Variants in CEP85L observed in about 807,000 individuals in gnomAD.
CEP85L encodes the protein centrosomal protein 85L, also known as centrosomal protein of 85 kDa-like.
CEP85L carries 60 observed loss-of-function variants against 100.3 expected under a neutral mutation model. The ratio of observed to expected loss-of-function variants is 0.60; its 90% CI spans 0.49 to 0.74. CEP85L has a LOEUF of 0.74. CEP85L is among the 30% of genes least tolerant of loss of function. CEP85L has a pLI of 0.00. For synonymous variants in CEP85L, 319 were observed against 322.7 expected (o/e 0.99, Z 0.12); for missense variants, 973 against 936.2 (o/e 1.04, Z -0.51).
At chr6:118,579,849 C>T (rs12209500) in intron 2 of CEP85L, among the ~76,000 whole-genome samples, 4,401 of 152,290 alleles carry the variant, frequency 0.029, 104 homozygotes, top group African/African-American at 0.056. Flanking sequence ...GGCCAGCAAG[C>T]TTTGATATGC....
chr6:118,481,924 G>C lies in CEP85L; in HGVS notation c.1600C>G (p.Leu534Val), dbSNP rs1340109090. 2.0e-6 allele frequency: 3 copies of C among 1,536,448 alleles called. No individual in the cohort carries two copies. Among genetic ancestry groups the C allele is most frequent in the African/African-American group, 2.8e-5 (2 of 70,238 alleles). Residue 534 changes from leucine (L) to valine (V), a missense_variant, in exon 8 of 13, where the codon CTG becomes GTG. By Grantham distance (32) the Leu-to-Val change is conservative. Around this residue, in one of 3 missense-constraint regions of CEP85L, gnomAD observed 890 missense variants for 844.5 expected, o/e 1.05. Coordinates refer to ENST00000368491, the MANE Select transcript of CEP85L (RefSeq NM_001042475.3). ...TGTAAATTCTTATTTTTTTCTTCCAGAATCTGCAGCTAAGGAGAAATGTTT... is the reference window on the plus strand; with the variant it reads ...TGTAAATTCTTATTTTTTTCTTCCACAATCTGCAGCTAAGGAGAAATGTTT... ...VQSQSLQLQI[L>V]EEKNKNLQEA...
chr6:118,651,450 G>T lies in CEP85L; in HGVS notation c.-181C>A. 1 of 1,321,134 alleles carries T rather than the reference G, an allele frequency of 7.6e-7. No homozygotes were observed. The highest frequency in any genetic ancestry group is 9.6e-7 in the Non-Finnish European group (1 of 1,038,836). The allele number at this position is 1,321,134 out of a possible 1,614,324, so 81.8% of individuals were successfully genotyped here. Reference sequence around the variant, plus strand: ...GGGGAGCGCAGGGGCCAGATTCGCCGCACTGCCGGCGCCTGCCATGGCCAA... The same window carrying T: ...GGGGAGCGCAGGGGCCAGATTCGCCTCACTGCCGGCGCCTGCCATGGCCAA... On this transcript the variant is annotated 5_prime_UTR_variant, in exon 1 of 13. Coordinates refer to ENST00000368491, the MANE Select transcript of CEP85L (RefSeq NM_001042475.3).
intron 1 of CEP85L, among the ~76,000 whole-genome samples, chr6:118,649,262 TC>T (rs1192602315): frequency 6.6e-6 from 1 of 152,236 alleles, no homozygotes; most frequent in African/African-American, 2.4e-5. Context: ...TCCTGACTTG[TC>T]AATAGTTTAT....
intron 1 of CEP85L, among the ~76,000 whole-genome samples, chr6:118,638,497 T>C (rs1383017288): frequency 2.0e-5 from 3 of 150,874 alleles, no homozygotes; most frequent in African/African-American, 7.3e-5. Flanking sequence ...ACCAGGTGAT[T>C]TAATAAGGAA....
Position 118,576,896 on chromosome 6 carries a change from G to A in CEP85L, c.233-10580C>T, listed in dbSNP as rs1002038608. 1.8e-4 allele frequency among the ~76,000 whole-genome samples: 27 copies of A among 152,114 alleles called. 1 individual carries two copies. The highest frequency in any genetic ancestry group is 1.7e-3 in the Admixed American group (26 of 15,268). ...AATAGATTAAATATTCCATCTGCAC[G>A]CTAAACAAAAGCGATTGTTACGCTT... is the stretch of plus-strand genomic sequence containing the variant. On this transcript the variant is annotated intron_variant, in intron 2 of 12. Coordinates refer to ENST00000368491, the MANE Select transcript of CEP85L (RefSeq NM_001042475.3).
intron 2 of CEP85L, among the ~76,000 whole-genome samples, chr6:118,567,231 GTGTGTGTGTGTGTGTGTGTATATATA>G (rs1175376997): frequency 1.6e-4 from 13 of 81,958 alleles, no homozygotes; most frequent in African/African-American, 3.3e-4. Context: ...GTGTGTGTGT[GTGTGTGTGTGTGTGTGTGTATATATA>G]TATATATATA....
At chr6:118,704,188 C>T (rs1360996563) in intron 1 of CEP85L, among the ~76,000 whole-genome samples, 3 of 152,190 alleles carry the variant, frequency 2.0e-5, no homozygotes, top group Admixed American at 2.0e-4. Flanking sequence ...TGACATTATA[C>T]CAAACTCTTT....
At chr6:118,537,643 A>G in intron 3 of CEP85L, 3 of 985,368 alleles carry the variant, frequency 3.0e-6, no homozygotes, top group Non-Finnish European at 3.6e-6. Flanking sequence ...TTGCCAAAAT[A>G]TGTCACTTAA....
chr6:118,645,630 C>T (rs1481765837), intron 1 of CEP85L, among the ~76,000 whole-genome samples: 1 of 152,206 alleles, frequency 6.6e-6, no homozygotes, highest in Non-Finnish European at 1.5e-5. Flanking sequence ...TATGATTGCA[C>T]AACCGCACTC....
At chr6:118,695,792 T>C (rs1313554481) in intron 1 of CEP85L, among the ~76,000 whole-genome samples, 1 of 152,162 alleles carries the variant, frequency 6.6e-6, no homozygotes, top group Non-Finnish European at 1.5e-5. Flanking sequence ...ACCATGATGG[T>C]ATGTAAGTAA....
intron 10 of CEP85L, among the ~76,000 whole-genome samples, chr6:118,471,986 G>A (rs1325342885): frequency 2.0e-5 from 3 of 151,424 alleles, no homozygotes; most frequent in Non-Finnish European, 3.0e-5. Flanking sequence ...GATTTGTGAC[G>A]GTTTATTAGA....
chr6:118,702,138 A>G (rs1192389902), intron 1 of CEP85L, among the ~76,000 whole-genome samples: 1 of 151,066 alleles, frequency 6.6e-6, no homozygotes. Context: ...TGGAAATTCT[A>G]TTCTTTTTTT....
intron 2 of CEP85L, among the ~76,000 whole-genome samples, chr6:118,613,577 CA>C (rs1044657661): frequency 5.9e-5 from 9 of 151,586 alleles, no homozygotes; most frequent in African/African-American, 2.2e-4. Flanking sequence ...GTCAACATGG[CA>C]AAATCCTCTC....
intron 2 of CEP85L, chr6:118,573,876 A>T (rs910722281): frequency 6.6e-6 from 1 of 152,244 alleles, no homozygotes; most frequent in Non-Finnish European, 1.5e-5. Flanking sequence ...AGCTAAAACT[A>T]TAAAACTCTT....
At chr6:118,632,694 A>C in intron 1 of CEP85L, 83 bp from the exon 2 acceptor site, 1 of 1,060,400 alleles carries the variant, frequency 9.4e-7, no homozygotes, top group Non-Finnish European at 1.3e-6. Flanking sequence ...AAATACACAT[A>C]GGGTATAAAA....
intron 2 of CEP85L, among the ~76,000 whole-genome samples, chr6:118,583,587 G>C (rs1780695765): frequency 6.6e-6 from 1 of 152,088 alleles, no homozygotes; most frequent in African/African-American, 2.4e-5. Context: ...TGGAAGTGTG[G>C]GCAACTTAAG....
At chr6:118,547,818 A>T (rs1778294524) in intron 3 of CEP85L, among the ~76,000 whole-genome samples, 2 of 152,260 alleles carry the variant, frequency 1.3e-5, no homozygotes, top group South Asian at 4.1e-4. Context: ...CAAAATAAGA[A>T]AACAGGTATA....
At chr6:118,640,136 G>A (rs1334900752) in intron 1 of CEP85L, among the ~76,000 whole-genome samples, 1 of 152,026 alleles carries the variant, frequency 6.6e-6, no homozygotes, top group African/African-American at 2.4e-5. Context: ...AGAAAAAAAC[G>A]TTCATATTAA....
At chr6:118,510,332 T>C (rs369590990) in intron 5 of CEP85L, among the ~76,000 whole-genome samples, 1 of 152,104 alleles carries the variant, frequency 6.6e-6, no homozygotes, top group Non-Finnish European at 1.5e-5. Flanking sequence ...AATTAAATTA[T>C]AGACAAAAAG....
Sources: gnomAD v4.1 joint callset for allele counts (sites outside exome capture counted in the v4.1 genomes callset) on GRCh38, gnomAD v4.1.1 for gene constraint, gnomAD v4.1.1 regional missense constraint, MANE v1.5 for transcripts, NCBI Gene and HGNC (gene_info 2026-07-23, HGNC 2026-07-21) for gene names.